The following PJA2 variants were observed in gnomAD, a reference collection of about 807,000 sequenced individuals.
PJA2 encodes praja ring finger ubiquitin ligase 2, also known as E3 ubiquitin-protein ligase Praja-2.
Under a neutral mutation model 69.3 loss-of-function variants are expected in PJA2, and 25 were observed. That is an observed-to-expected ratio of 0.36 (90% CI 0.26 to 0.50). The LOEUF is 0.50. PJA2 is among the 20% of genes least tolerant of loss of function. The pLI, the probability that PJA2 is intolerant of heterozygous loss-of-function variation, is 0.96. For synonymous variants in PJA2, 308 were observed against 277.8 expected (o/e 1.11, Z -1.08); for missense variants, 809 against 830.2 (o/e 0.97, Z 0.31).
intron 6 of PJA2, among the ~76,000 whole-genome samples, chr5:109,359,340 C>T (rs759508706): frequency 1.3e-5 from 2 of 152,114 alleles, no homozygotes; most frequent in South Asian, 2.1e-4. Flanking sequence ...TCAAAAGTTA[C>T]GCTTGGATTT....
At chr5:109,366,121 T>C (rs935877623) in intron 5 of PJA2, among the ~76,000 whole-genome samples, 3 of 152,172 alleles carry the variant, frequency 2.0e-5, no homozygotes, top group African/African-American at 7.2e-5. Flanking sequence ...GTGTACTACA[T>C]CATTCTGAAT....
chr5:109,350,264 A>G (rs1462543515), intron 7 of PJA2, among the ~76,000 whole-genome samples: 2 of 152,026 alleles, frequency 1.3e-5, no homozygotes, highest in African/African-American at 4.8e-5. Flanking sequence ...CTTTTAAGCC[A>G]CTAGTATGAA....
intron 6 of PJA2, among the ~76,000 whole-genome samples, chr5:109,358,485 TC>T (rs1762454907): frequency 6.6e-6 from 1 of 152,162 alleles, no homozygotes; most frequent in South Asian, 2.1e-4. Context: ...ATTTCACACC[TC>T]TATATTTCTG....
chr5:109,399,944 A>G (rs1223354948), intron 1 of PJA2, among the ~76,000 whole-genome samples: 1 of 152,086 alleles, frequency 6.6e-6, no homozygotes, highest in Non-Finnish European at 1.5e-5. Flanking sequence ...GAAATGAAGA[A>G]TGCATTCTAT....
chr5:109,359,974 A>T lies in PJA2; in HGVS notation c.1652+2866T>A, dbSNP rs1762482189. 3.9e-5 allele frequency among the ~76,000 whole-genome samples: 6 copies of T among 152,318 alleles called. No homozygotes were observed. The South Asian group carries it at 1.2e-3, about 32-fold the overall frequency. ...CATAAGTGGGTCAGAAAAAAACCTT[A>T]CTATAAGTATAAAGAAAGGAAAGAC... On this transcript the variant is annotated intron_variant, in intron 6 of 9. Transcript: ENST00000361189.
chr5:109,355,195 C>T (rs911386736), intron 7 of PJA2, among the ~76,000 whole-genome samples: 4 of 152,112 alleles, frequency 2.6e-5, no homozygotes, highest in Admixed American at 6.6e-5. Context: ...TTATAATGCT[C>T]CTAAAAGTTC....
chr5:109,396,821 G>A (rs1343508571), intron 1 of PJA2, among the ~76,000 whole-genome samples: 2 of 148,668 alleles, frequency 1.3e-5, no homozygotes, highest in East Asian at 1.9e-4. Flanking sequence ...GAAAATAACC[G>A]ATACCAATGA....
chr5:109,370,811 G>A (rs1762663767), intron 4 of PJA2, among the ~76,000 whole-genome samples: 1 of 151,820 alleles, frequency 6.6e-6, no homozygotes, highest in Non-Finnish European at 1.5e-5. Context: ...TAAATTTGTG[G>A]CAATTCTTAA....
At chr5:109,380,577 T>G (rs1333387344) in intron 3 of PJA2, among the ~76,000 whole-genome samples, 1 of 149,566 alleles carries the variant, frequency 6.7e-6, no homozygotes, top group Admixed American at 6.7e-5. Context: ...GGAGGCTGAG[T>G]TGGACGGACC....
intron 6 of PJA2, among the ~76,000 whole-genome samples, chr5:109,357,589 A>C (rs1308203289): frequency 6.6e-6 from 1 of 152,232 alleles, no homozygotes; most frequent in Non-Finnish European, 1.5e-5. Context: ...TCCTTCATCT[A>C]TAAAACAAAT....
At chr5:109,362,283 G>GT (rs1762517857) in intron 6 of PJA2, among the ~76,000 whole-genome samples, 1 of 152,154 alleles carries the variant, frequency 6.6e-6, no homozygotes, top group South Asian at 2.1e-4. Flanking sequence ...ATCGTAAGAA[G>GT]TAACAATTCC....
At chr5:109,367,816 T>G (rs1554054302) in intron 5 of PJA2, among the ~76,000 whole-genome samples, 1 of 152,210 alleles carries the variant, frequency 6.6e-6, no homozygotes, top group Non-Finnish European at 1.5e-5. Context: ...CAATTCTTCA[T>G]GATCAGGGCA....
Position 109,337,274 on chromosome 5 carries a change from G to C in PJA2, c.2084C>G (p.Pro695Arg), listed in dbSNP as rs1435230203. 6.2e-7 allele frequency: 1 copy of C among 1,613,644 alleles called. No homozygotes were observed. Among genetic ancestry groups the C allele is most frequent in the Non-Finnish European group, 8.5e-7 (1 of 1,179,912 alleles). ...ACTGTCATTTGAAGGTGGGGCATCA[G>C]GATCAGGCTCAGAGGAAGGAGCTGC... ...ASAAPSSEPD[P>R]DAPPSNDSIA... The change falls in exon 10 of 10, where the codon CCT becomes CGT. Residue 695 changes from proline to arginine, a missense_variant. Physicochemically the swap from Pro to Arg is moderately radical, Grantham distance 103. Transcript: ENST00000361189.
chr5:109,395,254 G>C (rs1192082606), intron 1 of PJA2, among the ~76,000 whole-genome samples: 1 of 152,224 alleles, frequency 6.6e-6, no homozygotes, highest in Non-Finnish European at 1.5e-5. Flanking sequence ...GCACTAGGCT[G>C]GGCCCAGTGG....
rs141863473 is a variant in PJA2 at position 109,368,617 on chromosome 5, T to C, written c.1413A>G (p.Leu471=). Residue 471 remains leucine, a synonymous_variant, in exon 5 of 10, where the codon CTA becomes CTG. Coordinates refer to ENST00000361189, the MANE Select transcript of PJA2 (RefSeq NM_014819.5). The part of the protein sequence containing the change: ...LPGKDENEPE[L]QSDSSGPEEE... ...CTTCAGGGCCACTGCTATCACTTTG[T>C]AGCTCAGGTTCATTCTCATCTTTTC... The C allele has an allele frequency of 5.7e-4, 916 of 1,614,194 alleles. No individual in the cohort carries two copies. The highest frequency in any genetic ancestry group is 6.4e-4 in the Non-Finnish European group (754 of 1,180,030).
intron 9 of PJA2, 91 bp downstream of exon 9, chr5:109,344,099 C>G: frequency 1.2e-6 from 1 of 819,464 alleles, no homozygotes; most frequent in Middle Eastern, 4.2e-4. Flanking sequence ...CTTTGTCTCA[C>G]CAAAAAAAAA....
chr5:109,367,572 G>A (rs912714017), intron 5 of PJA2, among the ~76,000 whole-genome samples: 20 of 996 alleles, frequency 0.02, no homozygotes, highest in Admixed American at 0.17. Flanking sequence ...AGCAACAGAT[G>A]CAAGGACAAA....
intron 3 of PJA2, 88 bp from the exon 4 acceptor site, chr5:109,379,342 C>T (rs1746985030): frequency 2.2e-6 from 2 of 904,620 alleles, no homozygotes; most frequent in Non-Finnish European, 3.3e-6. Context: ...GGAAATCATA[C>T]CAATTATTAC....
chr5:109,378,731 A>T lies in PJA2; in HGVS notation c.756T>A (p.Asn252Lys). ...GAGAAGACCTCTGAATTTCCTGGCT[A>T]TTCTGATGGACAAACTCAGTATCAC... ...SAGDTEFVHQ[N>K]SQEIQRSSQD... is the part of the protein sequence containing the mutation. Residue 252 changes from asparagine to lysine, a missense_variant, in exon 4 of 10, where the codon AAT (asparagine) becomes AAA (lysine). Asn to Lys is a moderately conservative substitution (Grantham distance 94). This residue lies in a region of PJA2 where 700 missense variants were observed against 639.5 expected (regional missense o/e 1.09). Coordinates refer to ENST00000361189, the MANE Select transcript of PJA2 (RefSeq NM_014819.5). 1 of 1,612,860 alleles carries T rather than the reference A, an allele frequency of 6.2e-7. No homozygotes were observed. The highest frequency in any genetic ancestry group is 8.5e-7 in the Non-Finnish European group (1 of 1,180,012).
Sources: gnomAD v4.1 joint callset for allele counts (sites outside exome capture counted in the v4.1 genomes callset) on GRCh38, gnomAD v4.1.1 for gene constraint, gnomAD v4.1.1 regional missense constraint, MANE v1.5 for transcripts, NCBI Gene and HGNC (gene_info 2026-07-23, HGNC 2026-07-21) for gene names.